The following CAPN13 variants were observed in gnomAD, a reference collection of about 807,000 sequenced individuals.
CAPN13 encodes calpain 13.
In CAPN13, 90 loss-of-function variants were observed where a neutral mutation model predicts 98.4. The observed-to-expected ratio is 0.92, with a 90% CI of 0.77 to 1.09. The LOEUF (loss-of-function observed/expected upper bound fraction) is 1.09. Among genes scored for constraint, CAPN13 ranks in the 50% least tolerant of loss-of-function variants. The pLI is 0.00. For missense variants in CAPN13, 887 were observed against 841.3 expected, an observed-to-expected ratio of 1.05 and a Z score of -0.67; for synonymous variants, 330 against 305.5, an observed-to-expected ratio of 1.08 and a Z score of -0.84.
intron 7 of CAPN13, among the ~76,000 whole-genome samples, chr2:30,761,947 G>C (rs1672871625): frequency 6.6e-6 from 1 of 152,148 alleles, no homozygotes; most frequent in Admixed American, 6.5e-5. Context: ...TGCAGTCCTT[G>C]GTCCATAAAG....
At chr2:30,725,437 A>C (rs1390749252) in intron 22 of CAPN13, among the ~76,000 whole-genome samples, 1 of 152,078 alleles carries the variant, frequency 6.6e-6, no homozygotes, top group Non-Finnish European at 1.5e-5. Context: ...AGAGAGAGGA[A>C]CAGAAGTATT....
chr2:30,794,017 T>G (rs1674730031), intron 1 of CAPN13, among the ~76,000 whole-genome samples: 1 of 151,716 alleles, frequency 6.6e-6, no homozygotes, highest in African/African-American at 2.4e-5. Flanking sequence ...GTAAATGTGT[T>G]TTTGATAGAA....
At chr2:30,799,869 C>T (rs188328197) in intron 1 of CAPN13, among the ~76,000 whole-genome samples, 482 of 152,096 alleles carry the variant, frequency 3.2e-3, no homozygotes, top group Middle Eastern at 0.01. Context: ...GTCAGGAGAT[C>T]GAGACCATCC....
chr2:30,769,675 A>T (rs1673294443), intron 5 of CAPN13, among the ~76,000 whole-genome samples: 1 of 152,218 alleles, frequency 6.6e-6, no homozygotes, highest in Non-Finnish European at 1.5e-5. Flanking sequence ...ACGACATGTG[A>T]ATTGGGATGT....
chr2:30,797,507 T>A (rs986803896), intron 1 of CAPN13, among the ~76,000 whole-genome samples: 2 of 151,994 alleles, frequency 1.3e-5, no homozygotes, highest in Non-Finnish European at 2.9e-5. Flanking sequence ...GAGGTGGAGG[T>A]AATAAAACCA....
intron 1 of CAPN13, among the ~76,000 whole-genome samples, chr2:30,801,968 C>CT (rs1312625489): frequency 3.3e-5 from 5 of 152,198 alleles, no homozygotes; most frequent in African/African-American, 4.8e-5. Context: ...TCAGATGGAG[C>CT]TTTTTAAAGA....
chr2:30,758,279 G>A, intron 7 of CAPN13, 142 bp from the exon 8 acceptor site: 6 of 608,740 alleles, frequency 9.9e-6, no homozygotes, highest in Non-Finnish European at 1.4e-5. Flanking sequence ...AAATTGAAAG[G>A]GAAAAAAAAA....
At chr2:30,756,051 G>A (rs567283247) in intron 8 of CAPN13, among the ~76,000 whole-genome samples, 12 of 151,966 alleles carry the variant, frequency 7.9e-5, no homozygotes, top group Non-Finnish European at 1.6e-4. Flanking sequence ...GCAAAGTGGC[G>A]ACCCTCAGCA....
Position 30,736,537 on chromosome 2 carries a change from A to G in CAPN13, c.1688T>C (p.Phe563Ser). Residue 563 changes from phenylalanine (F) to serine (S), a missense_variant, in exon 18 of 23, where the codon TTT becomes TCT. Coordinates refer to ENST00000295055, the MANE Select transcript of CAPN13 (RefSeq NM_144575.3). ...AACAAGGCGCTTCCACAGTCGCGCA[A>G]ACTCCTCTTGGTCTAGCCGCCCATT... ...KVNGRLDQEE[F>S]ARLWKRLVHY... The G allele has an allele frequency of 6.2e-7, 1 of 1,614,010 alleles. No homozygotes were observed. Among genetic ancestry groups the G allele is most frequent in the Non-Finnish European group, 8.5e-7 (1 of 1,179,900 alleles).
chr2:30,789,075 T>G (rs763607097), intron 1 of CAPN13, among the ~76,000 whole-genome samples: 1 of 152,212 alleles, frequency 6.6e-6, no homozygotes, highest in African/African-American at 2.4e-5. Flanking sequence ...TATAGAATAA[T>G]GGCACAAAAT....
intron 2 of CAPN13, among the ~76,000 whole-genome samples, chr2:30,779,355 T>C (rs4952181): frequency 2.6e-5 from 4 of 151,992 alleles, no homozygotes; most frequent in Non-Finnish European, 5.9e-5. Context: ...ATGTGTAAAA[T>C]GGAACAATAA....
chr2:30,747,815 T>G (rs1156885742), intron 11 of CAPN13, among the ~76,000 whole-genome samples: 1 of 152,216 alleles, frequency 6.6e-6, no homozygotes. Flanking sequence ...TCTGAACTGT[T>G]CTTTGACATT....
intron 1 of CAPN13, among the ~76,000 whole-genome samples, chr2:30,795,833 T>G (rs1378985700): frequency 6.6e-6 from 1 of 152,044 alleles, no homozygotes; most frequent in African/African-American, 2.4e-5. Flanking sequence ...TTATGGGAAT[T>G]TAATGTAAGA....
At chr2:30,796,161 T>C (rs923583140) in intron 1 of CAPN13, among the ~76,000 whole-genome samples, 8 of 143,948 alleles carry the variant, frequency 5.6e-5, no homozygotes. Flanking sequence ...TATATATACA[T>C]ATATATGTGT....
chr2:30,773,480 C>G (rs1673516698), intron 4 of CAPN13, among the ~76,000 whole-genome samples: 1 of 151,982 alleles, frequency 6.6e-6, no homozygotes, highest in Admixed American at 6.5e-5. Context: ...ACACCTATAA[C>G]AAAGTGAGCA....
At chr2:30,767,579 AGT>A (rs1269129895) in intron 5 of CAPN13, among the ~76,000 whole-genome samples, 1 of 152,228 alleles carries the variant, frequency 6.6e-6, no homozygotes, top group Non-Finnish European at 1.5e-5. Context: ...AGATAATGGC[AGT>A]GTTTTCGTAA....
At chr2:30,754,228 T>G in intron 9 of CAPN13, 62 bp downstream of exon 9, 1 of 1,298,602 alleles carries the variant, frequency 7.7e-7, no homozygotes, top group East Asian at 2.7e-5. Context: ...GGGAAAAGGG[T>G]AGGGATTGAA....
At chr2:30,784,658 C>T (rs140972728) in intron 2 of CAPN13, among the ~76,000 whole-genome samples, 288 of 152,252 alleles carry the variant, frequency 1.9e-3, no homozygotes, top group African/African-American at 6.5e-3. Context: ...TATGATGAGG[C>T]CTTACAAGGG....
At chr2:30,765,234 T>A (rs12622381) in intron 5 of CAPN13, among the ~76,000 whole-genome samples, 87,011 of 151,536 alleles carry the variant, frequency 0.57, 25,363 homozygotes, top group South Asian at 0.64. Context: ...ATGGGGTGAA[T>A]TGGAAGCGTT....
Sources: gnomAD v4.1 joint callset for allele counts (sites outside exome capture counted in the v4.1 genomes callset) on GRCh38, gnomAD v4.1.1 for gene constraint, MANE v1.5 for transcripts, NCBI Gene and HGNC (gene_info 2026-07-23, HGNC 2026-07-21) for gene names.